The following PHF20 variants were observed in gnomAD, a reference collection of about 807,000 sequenced individuals.
PHF20 encodes the protein glioma-expressed antigen 2.
A neutral mutation model predicts 113.5 loss-of-function variants in PHF20; 23 were observed. That is an observed-to-expected ratio of 0.20 (90% CI 0.15 to 0.29). PHF20 has a LOEUF of 0.29. Among genes scored for constraint, PHF20 ranks in the 10% least tolerant of loss-of-function variants. The pLI is 1.00. For synonymous variants in PHF20, 434 were observed against 457.3 expected, an observed-to-expected ratio of 0.95 and a Z score of 0.65; for missense variants, 943 against 1,219.6, an observed-to-expected ratio of 0.77 and a Z score of 3.38.
chr20:35,852,965 G>T (rs1432482288), intron 4 of PHF20, among the ~76,000 whole-genome samples: 1 of 145,628 alleles, frequency 6.9e-6, no homozygotes, highest in Non-Finnish European at 1.5e-5. Flanking sequence ...GCTGACGCCT[G>T]TAATCCCAGC....
intron 1 of PHF20, among the ~76,000 whole-genome samples, chr20:35,781,637 C>T (rs139850254): frequency 5.8e-4 from 89 of 152,272 alleles, no homozygotes; most frequent in African/African-American, 2.0e-3. Context: ...TCTCCATCTC[C>T]GTAACTCCTC....
intron 11 of PHF20, 54 bp from the exon 12 acceptor site, chr20:35,913,979 A>G: frequency 6.5e-7 from 1 of 1,542,746 alleles, no homozygotes. Flanking sequence ...TTGATTCTAG[A>G]ATGCACCAGT....
At chr20:35,868,463 G>A (rs991247052) in intron 6 of PHF20, among the ~76,000 whole-genome samples, 2 of 147,538 alleles carry the variant, frequency 1.4e-5, no homozygotes, top group Non-Finnish European at 3.0e-5. Flanking sequence ...AAAAAATTTT[G>A]CTAGGTATGG....
At chr20:35,795,744 T>A (rs2146855252) in intron 1 of PHF20, among the ~76,000 whole-genome samples, 1 of 152,316 alleles carries the variant, frequency 6.6e-6, no homozygotes, top group Middle Eastern at 3.4e-3. Flanking sequence ...AGCTCCTTAC[T>A]ATGTGAGTGT....
chr20:35,870,329 A>T (rs13039462), intron 7 of PHF20, among the ~76,000 whole-genome samples: 1 of 137,724 alleles, frequency 7.3e-6, no homozygotes, highest in Non-Finnish European at 1.5e-5. Context: ...AAAAAAAAAA[A>T]AATTAGCCGG....
intron 9 of PHF20, among the ~76,000 whole-genome samples, chr20:35,883,027 C>CA (rs971975145): frequency 0.021 from 1,350 of 63,152 alleles, 11 homozygotes; most frequent in African/African-American, 0.046. Context: ...CACTCTGTCT[C>CA]AAAAAAAAAA....
At chr20:35,901,606 T>C (rs992285329) in intron 10 of PHF20, among the ~76,000 whole-genome samples, 4 of 152,174 alleles carry the variant, frequency 2.6e-5, no homozygotes, top group Non-Finnish European at 4.4e-5. Flanking sequence ...ATTAATCTCC[T>C]TTTCAGTCCC....
chr20:35,917,550 A>T lies in PHF20; in HGVS notation c.1892A>T (p.Asp631Val), dbSNP rs559318670. The T allele has an allele frequency of 6.2e-7, 1 of 1,614,066 alleles. No homozygotes were observed. Among genetic ancestry groups the T allele is most frequent in the Non-Finnish European group, 8.5e-7 (1 of 1,179,972 alleles). ...FLWSDDEYGQDVDVTTNPDEE... is the reference protein window; with the variant it reads ...FLWSDDEYGQVVDVTTNPDEE... Reference sequence around the variant, plus strand: ...TGGAGTGATGATGAGTATGGCCAAGATGTGGATGTGACCACCAACCCAGAT... The same window carrying T: ...TGGAGTGATGATGAGTATGGCCAAGTTGTGGATGTGACCACCAACCCAGAT... The change falls in exon 13 of 18, where the codon GAT becomes GTT. Residue 631 changes from aspartate (D) to valine (V), a missense_variant. Transcript: ENST00000374012.
Position 35,899,508 on chromosome 20 carries a change from A to T in PHF20, c.1421A>T (p.Lys474Met). The part of the protein sequence containing the change: ...RKAKLLHYHM[K>M]YFHGMEKSLE... ...GCCAAACTGTTGCACTATCACATGA[A>T]GTATTTCCATGGAATGGAGAAGTCA... Residue 474 changes from lysine (K) to methionine (M), a missense_variant, in exon 10 of 18, where the codon AAG becomes ATG. Physicochemically the swap from Lys to Met is moderately conservative, Grantham distance 95. Transcript: ENST00000374012. 1 of 1,614,226 alleles carries T rather than the reference A, an allele frequency of 6.2e-7. No homozygotes were observed. The highest frequency in any genetic ancestry group is 8.5e-7 in the Non-Finnish European group (1 of 1,180,048).
At chr20:35,793,945 G>A (rs2041612007) in intron 1 of PHF20, among the ~76,000 whole-genome samples, 1 of 144,398 alleles carries the variant, frequency 6.9e-6, no homozygotes, top group Non-Finnish European at 1.5e-5. Flanking sequence ...GCAGAGAGCC[G>A]AGATTGCACC....
chr20:35,889,066 G>T (rs1424831570), intron 9 of PHF20, among the ~76,000 whole-genome samples: 1 of 144,690 alleles, frequency 6.9e-6, no homozygotes, highest in African/African-American at 2.6e-5. Flanking sequence ...ACCTAGGCTG[G>T]AGTGCACTGG....
In PHF20 at chr20:35,871,112, T is replaced by C. The variant is rs866320760; in HGVS notation, c.1080T>C (p.Ser360=). ...CGGATCCTTTGCAAGACACGTTGTC[T>C]AGTACCAAGGAATCTGAAGAAGGTG... ...VDTDPLQDTL[S]STKESEEGQL... The change falls in exon 8 of 18, where the codon TCT becomes TCC. Residue 360 remains serine (S), a synonymous_variant. Transcript: ENST00000374012. The C allele has an allele frequency of 6.2e-7, 1 of 1,611,050 alleles. No individual in the cohort carries two copies. Among genetic ancestry groups the C allele is most frequent in the East Asian group, 2.2e-5 (1 of 44,792 alleles).
chr20:35,780,429 T>C (rs1600719680), intron 1 of PHF20, among the ~76,000 whole-genome samples: 2 of 151,546 alleles, frequency 1.3e-5, no homozygotes, highest in African/African-American at 4.8e-5. Context: ...GGTTTCGCCA[T>C]GTTAGCCAGG....
At chr20:35,804,862 A>C (rs80149515) in intron 2 of PHF20, among the ~76,000 whole-genome samples, 7,266 of 152,056 alleles carry the variant, frequency 0.048, 213 homozygotes, top group African/African-American at 0.089. Context: ...ACTCAACCAT[A>C]TGTACATAAA....
chr20:35,877,865 C>G (rs1370865034), intron 9 of PHF20, among the ~76,000 whole-genome samples: 1 of 152,162 alleles, frequency 6.6e-6, no homozygotes, highest in East Asian at 1.9e-4. Context: ...GTGATTCTAA[C>G]CCATGAAATC....
intron 17 of PHF20, among the ~76,000 whole-genome samples, chr20:35,941,880 TA>T (rs1432559309): frequency 2.0e-5 from 3 of 152,172 alleles, no homozygotes; most frequent in Admixed American, 1.3e-4. Context: ...GAGGGCTTCC[TA>T]AAACTCCTGA....
At chr20:35,813,252 G>A (rs569898294) in intron 2 of PHF20, among the ~76,000 whole-genome samples, 47 of 152,020 alleles carry the variant, frequency 3.1e-4, no homozygotes, top group African/African-American at 1.1e-3. Flanking sequence ...TTACAGGCGC[G>A]GTGAGCCACC....
chr20:35,826,050 A>G (rs1333573050), intron 2 of PHF20, among the ~76,000 whole-genome samples: 1 of 151,880 alleles, frequency 6.6e-6, no homozygotes, highest in Non-Finnish European at 1.5e-5. Context: ...TTATATATGT[A>G]TGTATGTGTG....
intron 1 of PHF20, among the ~76,000 whole-genome samples, chr20:35,776,306 G>A (rs2041173559): frequency 6.6e-6 from 1 of 152,094 alleles, no homozygotes; most frequent in African/African-American, 2.4e-5. Context: ...GGTTTTCTGG[G>A]TTCTGGAAAT....
Sources: gnomAD v4.1 joint callset for allele counts (sites outside exome capture counted in the v4.1 genomes callset) on GRCh38, gnomAD v4.1.1 for gene constraint, MANE v1.5 for transcripts, NCBI Gene and HGNC (gene_info 2026-07-23, HGNC 2026-07-21) for gene names.